Variants in TTLL5 observed in about 807,000 individuals in gnomAD.
TTLL5 encodes the protein tubulin tyrosine ligase like 5, also known as tubulin polyglutamylase TTLL5.
Under a neutral mutation model 168.4 loss-of-function variants are expected in TTLL5, and 132 were observed. The observed-to-expected ratio is 0.78, with a 90% confidence interval of 0.68 to 0.91. The LOEUF (loss-of-function observed/expected upper bound fraction) is 0.91, where lower values mean the gene tolerates loss of function less well. Ranked by LOEUF, TTLL5 falls within the 40% of genes least tolerant of loss-of-function variation. The pLI is 0.00. For missense variants in TTLL5, 1,545 were observed against 1,581.5 expected, an observed-to-expected ratio of 0.98 and a Z score of 0.39; for synonymous variants, 546 against 558.6, an observed-to-expected ratio of 0.98 and a Z score of 0.32.
At chr14:75,863,289 T>C (rs533105412) in intron 28 of TTLL5, among the ~76,000 whole-genome samples, 63 of 152,356 alleles carry the variant, frequency 4.1e-4, no homozygotes, top group African/African-American at 1.4e-3. Flanking sequence ...TGATCATGCA[T>C]CTGTTCCTGC....
intron 12 of TTLL5, among the ~76,000 whole-genome samples, chr14:75,728,437 A>G (rs1055121215): frequency 6.6e-6 from 1 of 152,010 alleles, no homozygotes; most frequent in African/African-American, 2.4e-5. Flanking sequence ...ATTTGGTGAT[A>G]TCTTGTATTT....
At chr14:75,780,848 GTTCA>G (rs1424682882) in intron 24 of TTLL5, among the ~76,000 whole-genome samples, 2 of 152,092 alleles carry the variant, frequency 1.3e-5, no homozygotes, top group African/African-American at 4.8e-5. Flanking sequence ...TCATTCACCT[GTTCA>G]TTCATTCTTT....
chr14:75,747,436 T>C (rs1046532551), intron 17 of TTLL5, among the ~76,000 whole-genome samples: 2 of 152,182 alleles, frequency 1.3e-5, no homozygotes, highest in African/African-American at 4.8e-5. Flanking sequence ...ACATTTTTGT[T>C]TCTTCACATG....
At chr14:75,829,559 C>CTT (rs202156409) in intron 28 of TTLL5, among the ~76,000 whole-genome samples, 9 of 139,024 alleles carry the variant, frequency 6.5e-5, no homozygotes, top group Non-Finnish European at 9.4e-5. Context: ...TATACATTTA[C>CTT]TTTTTTTTTT....
chr14:75,711,397 G>T (rs1887068497), intron 9 of TTLL5: 1 of 152,160 alleles, frequency 6.6e-6, no homozygotes, highest in African/African-American at 2.4e-5. Flanking sequence ...ACTCCAAAAA[G>T]ATTTTGTCCT....
chr14:75,892,303 C>T (rs1275885990), intron 30 of TTLL5, among the ~76,000 whole-genome samples: 1 of 152,114 alleles, frequency 6.6e-6, no homozygotes, highest in Non-Finnish European at 1.5e-5. Flanking sequence ...CAAAACAAGG[C>T]ACATATCTCC....
chr14:75,842,772 T>C (rs1896328352), intron 28 of TTLL5, among the ~76,000 whole-genome samples: 1 of 152,174 alleles, frequency 6.6e-6, no homozygotes, highest in Non-Finnish European at 1.5e-5. Flanking sequence ...AAATGTTGGC[T>C]AGGAAAGCTG....
At position 75,745,504 on chromosome 14, in the gene TTLL5, A is replaced by C; in HGVS notation, c.1410A>C (p.Arg470=). 1 of 1,614,032 alleles carries C rather than the reference A, an allele frequency of 6.2e-7. No individual in the cohort carries two copies. Among genetic ancestry groups the C allele is most frequent in the Non-Finnish European group, 8.5e-7 (1 of 1,179,986 alleles). Residue 470 remains arginine (R), a synonymous_variant, in exon 17 of 32, where the codon CGA becomes CGC. Transcript: ENST00000298832. The part of the protein sequence containing the change: ...GLSMEEIKVL[R]RVKEENDRRG... ...TTTTCATCTAGATCAAAGTTTTACG[A>C]AGGGTGAAGGAGGAGAATGATCGGC...
chr14:75,816,311 T>C (rs1363360639), intron 27 of TTLL5, among the ~76,000 whole-genome samples: 1 of 152,156 alleles, frequency 6.6e-6, no homozygotes, highest in Non-Finnish European at 1.5e-5. Flanking sequence ...TTCCAGCTAC[T>C]TGGGAGGCTG....
intron 12 of TTLL5, among the ~76,000 whole-genome samples, chr14:75,725,761 A>G (rs1181790246): frequency 6.6e-6 from 1 of 152,198 alleles, no homozygotes; most frequent in Non-Finnish European, 1.5e-5. Flanking sequence ...AGGCCTGAAA[A>G]GGACACTCCT....
intron 3 of TTLL5, among the ~76,000 whole-genome samples, chr14:75,669,740 TTTAA>T (rs764145907): frequency 4.1e-4 from 63 of 152,040 alleles, no homozygotes; most frequent in Non-Finnish European, 8.8e-4. Flanking sequence ...GTGTTTTTTT[TTTAA>T]TTGTGGTAAA....
chr14:75,896,803 A>C (rs77586395), intron 30 of TTLL5, among the ~76,000 whole-genome samples: 2,362 of 152,286 alleles, frequency 0.016, 81 homozygotes, highest in African/African-American at 0.054. Context: ...ATCCACGAAA[A>C]ACATGTCAGA....
At chr14:75,668,231 G>T (rs1486704823) in intron 2 of TTLL5, among the ~76,000 whole-genome samples, 1 of 152,116 alleles carries the variant, frequency 6.6e-6, no homozygotes, top group African/African-American at 2.4e-5. Context: ...CCAAATAATT[G>T]AATTCAAGGT....
At chr14:75,890,283 C>G (rs2032337160) in intron 30 of TTLL5, among the ~76,000 whole-genome samples, 1 of 152,078 alleles carries the variant, frequency 6.6e-6, no homozygotes, top group Admixed American at 6.6e-5. Flanking sequence ...CTAAGAAAAA[C>G]AGATTTAAGG....
intron 9 of TTLL5, among the ~76,000 whole-genome samples, chr14:75,715,111 T>A (rs1887340854): frequency 6.6e-6 from 1 of 152,100 alleles, no homozygotes; most frequent in Non-Finnish European, 1.5e-5. Flanking sequence ...ATTTGCTCAA[T>A]TCCTTTGTAT....
intron 2 of TTLL5, among the ~76,000 whole-genome samples, chr14:75,669,203 G>A (rs3742766): frequency 0.038 from 5,846 of 152,240 alleles, 143 homozygotes; most frequent in Middle Eastern, 0.099. Context: ...ATCTTGATTG[G>A]CTGAAACCAA....
At chr14:75,920,124 GCAA>G (rs112924591) in intron 31 of TTLL5, among the ~76,000 whole-genome samples, 112,871 of 150,820 alleles carry the variant, frequency 0.75, 42,354 homozygotes, top group Admixed American at 0.81. Context: ...TGTCTCAAAA[GCAA>G]CAACAACAAC....
intron 28 of TTLL5, chr14:75,838,784 G>A (rs1173541666): frequency 6.5e-6 from 1 of 152,798 alleles, no homozygotes; most frequent in Non-Finnish European, 1.5e-5. Context: ...GCAGTGCAGA[G>A]TGTGGAGCTT....
In TTLL5 at chr14:75,954,751, C is replaced by T. The variant is rs1040267001; in HGVS notation, c.*305C>T. 1 of 428,334 alleles carries T rather than the reference C, an allele frequency of 2.3e-6. No individual in the cohort carries two copies. Among genetic ancestry groups the T allele is most frequent in the Non-Finnish European group, 4.2e-6 (1 of 236,820 alleles). The allele number at this position is 428,334 out of a possible 1,614,324, so 26.5% of individuals were successfully genotyped here. ...TTTACCTTCCCTTTGCCCCATGCCC[C>T]CAAACTGCTTAGGTCTTCTCTGTCC... On this transcript the variant is annotated 3_prime_UTR_variant, in exon 32 of 32. Transcript: ENST00000298832.
Sources: gnomAD v4.1 joint callset for allele counts (sites outside exome capture counted in the v4.1 genomes callset) on GRCh38, gnomAD v4.1.1 for gene constraint, MANE v1.5 for transcripts, NCBI Gene and HGNC (gene_info 2026-07-23, HGNC 2026-07-21) for gene names.